The following CNTN4 variants were observed in gnomAD, a reference collection of about 807,000 sequenced individuals.
CNTN4 encodes the protein contactin-4.
CNTN4 carries 77 observed loss-of-function variants against 122.5 expected under a neutral mutation model. That is an observed-to-expected ratio of 0.63 (90% CI 0.52 to 0.76). CNTN4 has a LOEUF of 0.76. Ranked by LOEUF, CNTN4 falls within the 30% of genes least tolerant of loss-of-function variation. The pLI is 0.00. For missense variants in CNTN4, 1,256 were observed against 1,259.1 expected, an observed-to-expected ratio of 1.00 and a Z score of 0.04; for synonymous variants, 512 against 447.0, an observed-to-expected ratio of 1.15 and a Z score of -1.83.
intron 4 of CNTN4, among the ~76,000 whole-genome samples, chr3:2,702,472 G>A (rs1407881309): frequency 6.6e-6 from 1 of 152,226 alleles, no homozygotes; most frequent in African/African-American, 2.4e-5. Flanking sequence ...GCCAAAGTTG[G>A]TGAGGCATAA....
At position 2,520,599 on chromosome 3, in the gene CNTN4, T is replaced by A. The variant is rs1057480985; in HGVS notation, c.-88-50817T>A. Among the ~76,000 whole-genome samples, 3 of 152,076 alleles carry A rather than the reference T, an allele frequency of 2.0e-5. 1 individual carries two copies. Among genetic ancestry groups the A allele is most frequent in the Non-Finnish European group, 4.4e-5 (3 of 68,008 alleles). On this transcript the variant is annotated intron_variant, in intron 3 of 24. Coordinates refer to ENST00000418658, the MANE Select transcript of CNTN4 (RefSeq NM_175607.3). ...CTTTTTTCCTTTTTTAAAAAAACTT[T>A]TGATACTCACTGATTAATTGGGCAA... is the stretch of plus-strand genomic sequence containing the variant.
At chr3:2,355,590 A>G (rs931428074) in intron 3 of CNTN4, among the ~76,000 whole-genome samples, 3 of 151,990 alleles carry the variant, frequency 2.0e-5, no homozygotes, top group East Asian at 3.9e-4. Flanking sequence ...TTCTTCCCCA[A>G]TCCCCTCCTG....
intron 2 of CNTN4, among the ~76,000 whole-genome samples, chr3:2,197,050 G>GA (rs756328918): frequency 0.015 from 1,334 of 87,064 alleles, 18 homozygotes; most frequent in African/African-American, 0.037. Context: ...GGTCTCACCA[G>GA]AAAAAAAAAA....
intron 4 of CNTN4, among the ~76,000 whole-genome samples, chr3:2,601,521 T>C (rs867034867): frequency 1.3e-5 from 2 of 152,254 alleles, no homozygotes; most frequent in Middle Eastern, 3.4e-3. Flanking sequence ...AGATGTGTGG[T>C]ATTATTTCTG....
chr3:2,223,179 C>T (rs1305439941), intron 2 of CNTN4, among the ~76,000 whole-genome samples: 1 of 152,008 alleles, frequency 6.6e-6, no homozygotes, highest in Non-Finnish European at 1.5e-5. Flanking sequence ...AATGGAGAGC[C>T]AGTAAGTAAA....
chr3:2,578,641 T>C (rs2079801205), intron 4 of CNTN4, among the ~76,000 whole-genome samples: 1 of 152,172 alleles, frequency 6.6e-6, no homozygotes, highest in South Asian at 2.1e-4. Flanking sequence ...GAGCTGAGTG[T>C]TAGTTTTCAT....
chr3:2,355,067 C>A (rs1042455600), intron 3 of CNTN4, among the ~76,000 whole-genome samples: 3 of 152,138 alleles, frequency 2.0e-5, no homozygotes, highest in Non-Finnish European at 2.9e-5. Flanking sequence ...TTTAAAGTTG[C>A]CAGAACTGCT....
At chr3:2,464,705 A>T (rs909144192) in intron 3 of CNTN4, among the ~76,000 whole-genome samples, 12 of 152,242 alleles carry the variant, frequency 7.9e-5, no homozygotes, top group Admixed American at 6.5e-4. Flanking sequence ...ATCAAGGACT[A>T]CAGTTGAGAC....
At chr3:3,039,086 G>A in intron 19 of CNTN4, 83 bp downstream of exon 19, 1 of 1,202,966 alleles carries the variant, frequency 8.3e-7, no homozygotes, top group Non-Finnish European at 1.2e-6. Context: ...TAGCTGGGAA[G>A]TTTCCTCCTC....
At position 2,859,048 on chromosome 3, in the gene CNTN4, A is replaced by G. The variant is rs116523584; in HGVS notation, c.455-7704A>G. Among the ~76,000 whole-genome samples, 836 of 152,292 alleles carry G rather than the reference A, an allele frequency of 5.5e-3. 4 individuals carry two copies. The highest frequency in any genetic ancestry group is 0.019 in the African/African-American group (806 of 41,572). ...TGAAATTATTTATTCTTTGACCAAC[A>G]TTCCTCCAACCTCCCTGCTCCCCAG... On this transcript the variant is annotated intron_variant, in intron 7 of 24. Transcript: ENST00000418658.
intron 6 of CNTN4, among the ~76,000 whole-genome samples, chr3:2,793,933 A>AACT (rs1181532272): frequency 6.6e-6 from 1 of 152,148 alleles, no homozygotes; most frequent in Non-Finnish European, 1.5e-5. Context: ...AAAAATGACC[A>AACT]ACTACTGCCT....
chr3:2,306,561 G>A (rs112080445), intron 2 of CNTN4, among the ~76,000 whole-genome samples: 14 of 152,080 alleles, frequency 9.2e-5, no homozygotes, highest in Admixed American at 7.2e-4. Flanking sequence ...AGTCTAAGTC[G>A]TCAGACATTG....
chr3:2,384,234 C>T (rs1234612238), intron 3 of CNTN4, among the ~76,000 whole-genome samples: 1 of 152,062 alleles, frequency 6.6e-6, no homozygotes, highest in East Asian at 1.9e-4. Context: ...AGGAACAAGC[C>T]TAAACGTAGG....
chr3:2,425,307 G>T (rs1373938413), intron 3 of CNTN4, among the ~76,000 whole-genome samples: 3 of 152,116 alleles, frequency 2.0e-5, no homozygotes, highest in Admixed American at 2.0e-4. Flanking sequence ...AGTTTTCCCA[G>T]CACCATTTAT....
intron 3 of CNTN4, among the ~76,000 whole-genome samples, chr3:2,566,389 C>T (rs934102002): frequency 6.6e-6 from 1 of 152,116 alleles, no homozygotes; most frequent in African/African-American, 2.4e-5. Context: ...GATGATGATG[C>T]CTGACTCCCA....
intron 4 of CNTN4, among the ~76,000 whole-genome samples, chr3:2,629,750 G>A (rs1478070243): frequency 6.6e-6 from 1 of 152,130 alleles, no homozygotes; most frequent in African/African-American, 2.4e-5. Flanking sequence ...TGCTTGCACT[G>A]ATGCTGTGTT....
intron 13 of CNTN4, among the ~76,000 whole-genome samples, chr3:2,974,633 A>G (rs778228751): frequency 1.7e-4 from 26 of 152,296 alleles, no homozygotes; most frequent in Non-Finnish European, 2.1e-4. Context: ...TCAGTTCAGG[A>G]AAGCTTAGAA....
intron 6 of CNTN4, among the ~76,000 whole-genome samples, chr3:2,806,968 G>T (rs2092481993): frequency 6.6e-6 from 1 of 152,066 alleles, no homozygotes; most frequent in Non-Finnish European, 1.5e-5. Context: ...TTTCTGTAGT[G>T]GGCATCAACG....
At chr3:2,826,959 T>C (rs994908283) in intron 7 of CNTN4, among the ~76,000 whole-genome samples, 3 of 152,206 alleles carry the variant, frequency 2.0e-5, no homozygotes, top group African/African-American at 7.2e-5. Context: ...TCCTCATTTC[T>C]TACCCAAAGG....
Sources: gnomAD v4.1 joint callset for allele counts (sites outside exome capture counted in the v4.1 genomes callset) on GRCh38, gnomAD v4.1.1 for gene constraint, MANE v1.5 for transcripts, NCBI Gene and HGNC (gene_info 2026-07-23, HGNC 2026-07-21) for gene names.